The following PPP3CA variants were observed in gnomAD, a reference collection of about 807,000 sequenced individuals.
The protein encoded by PPP3CA is protein phosphatase 3 catalytic subunit alpha.
PPP3CA carries 14 observed loss-of-function variants against 66.5 expected under a neutral mutation model. That is an observed-to-expected ratio of 0.21 (90% CI 0.14 to 0.33). The LOEUF (loss-of-function observed/expected upper bound fraction) is 0.33, where lower values mean the gene tolerates loss of function less well. PPP3CA is among the 10% of genes least tolerant of loss of function. The pLI, the probability that PPP3CA is intolerant of heterozygous loss-of-function variation, is 1.00. For synonymous variants in PPP3CA, 232 were observed against 226.2 expected (o/e 1.03, Z -0.23); for missense variants, 317 against 639.5 (o/e 0.50, Z 5.44).
intron 2 of PPP3CA, among the ~76,000 whole-genome samples, chr4:101,158,977 A>G (rs1723414189): frequency 6.6e-6 from 1 of 152,220 alleles, no homozygotes; most frequent in African/African-American, 2.4e-5. Flanking sequence ...ATTATTAAGA[A>G]ACTTAAACCA....
At chr4:101,262,408 C>A (rs956423869) in intron 1 of PPP3CA, among the ~76,000 whole-genome samples, 1 of 151,994 alleles carries the variant, frequency 6.6e-6, no homozygotes, top group Non-Finnish European at 1.5e-5. Context: ...TTATTGAAAT[C>A]TTTAATTTGT....
At chr4:101,040,332 C>T in intron 11 of PPP3CA, 150 bp downstream of exon 11, 1 of 542,150 alleles carries the variant, frequency 1.8e-6, no homozygotes, top group South Asian at 4.6e-5. Context: ...GACAATTTCT[C>T]ATTTAATTTT....
intron 1 of PPP3CA, among the ~76,000 whole-genome samples, chr4:101,301,289 CATG>C (rs1279870532): frequency 6.6e-6 from 1 of 151,526 alleles, no homozygotes; most frequent in Non-Finnish European, 1.5e-5. Flanking sequence ...TGTCAAATAA[CATG>C]ATACTACCTG....
At chr4:101,295,565 C>T (rs1006544559) in intron 1 of PPP3CA, among the ~76,000 whole-genome samples, 1 of 152,200 alleles carries the variant, frequency 6.6e-6, no homozygotes, top group Non-Finnish European at 1.5e-5. Flanking sequence ...TTACTGTAGA[C>T]TCCATGATTT....
intron 6 of PPP3CA, among the ~76,000 whole-genome samples, chr4:101,085,851 CACACACAGAG>C (rs760261860): frequency 6.7e-6 from 1 of 149,348 alleles, no homozygotes; most frequent in Non-Finnish European, 1.5e-5. Flanking sequence ...CACACACACA[CACACACAGAG>C]AGAGAGAGAG....
intron 1 of PPP3CA, among the ~76,000 whole-genome samples, chr4:101,318,434 A>G (rs1290484306): frequency 6.6e-6 from 1 of 152,202 alleles, no homozygotes; most frequent in Non-Finnish European, 1.5e-5. Flanking sequence ...CAGAAGTGGT[A>G]AGCAAACTAG....
At chr4:101,032,750 A>G (rs1727040110) in intron 11 of PPP3CA, among the ~76,000 whole-genome samples, 1 of 152,218 alleles carries the variant, frequency 6.6e-6, no homozygotes, top group Non-Finnish European at 1.5e-5. Flanking sequence ...AAGGCTCAGC[A>G]AAAATAAGGG....
In PPP3CA at chr4:101,346,903, G is replaced by GCCGCCGC; in HGVS notation, c.-108_-107insGCGGCGG. ...CGCCGCCGCCGCCGCCGCCGCCGCC[G>GCCGCCGC]CGCTGCAAACCGCTCGGCTGGAGGT... On this transcript the variant is annotated 5_prime_UTR_variant, in exon 1 of 14. Transcript: ENST00000394854. The GCCGCCGC allele has an allele frequency of 3.7e-6, 5 of 1,366,768 alleles. No individual in the cohort carries two copies. In the African/African-American group the frequency reaches 4.4e-5, roughly 12 times the overall value. The allele number at this position is 1,366,768 out of a possible 1,614,324, so 84.7% of individuals were successfully genotyped here. A position where few individuals can be genotyped will look rare whatever the true frequency, so the allele number is the denominator to read the frequency against.
At chr4:101,225,343 A>G (rs551614478) in intron 1 of PPP3CA, among the ~76,000 whole-genome samples, 2 of 151,928 alleles carry the variant, frequency 1.3e-5, no homozygotes, top group East Asian at 3.9e-4. Context: ...CTCAACAAAT[A>G]TTTGTTGAAT....
intron 1 of PPP3CA, among the ~76,000 whole-genome samples, chr4:101,338,658 A>C (rs1414700008): frequency 6.6e-6 from 1 of 152,178 alleles, no homozygotes; most frequent in African/African-American, 2.4e-5. Context: ...CAATTCCTTT[A>C]TTCTAAGTGA....
At chr4:101,343,280 ATTTCCTCT>A in intron 1 of PPP3CA, among the ~76,000 whole-genome samples, 1 of 152,158 alleles carries the variant, frequency 6.6e-6, no homozygotes, top group Non-Finnish European at 1.5e-5. Context: ...ATAGGGTTTA[ATTTCCTCT>A]AAGTATTTTT....
chr4:101,280,573 A>G (rs1000347759), intron 1 of PPP3CA, among the ~76,000 whole-genome samples: 3 of 152,130 alleles, frequency 2.0e-5, no homozygotes, highest in African/African-American at 7.2e-5. Context: ...TAATCCCAGC[A>G]CTGTAGGAGG....
intron 1 of PPP3CA, among the ~76,000 whole-genome samples, chr4:101,201,740 T>G (rs1724972890): frequency 6.6e-6 from 1 of 152,248 alleles, no homozygotes; most frequent in African/African-American, 2.4e-5. Context: ...GAGAACAGCT[T>G]AAGCATATCA....
chr4:101,082,551 T>C (rs1003988860), intron 7 of PPP3CA, among the ~76,000 whole-genome samples: 3 of 152,204 alleles, frequency 2.0e-5, no homozygotes, highest in Non-Finnish European at 4.4e-5. Flanking sequence ...AGATTTAATA[T>C]ACTATTAAAG....
chr4:101,049,540 G>T (rs1727920080), intron 10 of PPP3CA, among the ~76,000 whole-genome samples: 1 of 151,978 alleles, frequency 6.6e-6, no homozygotes, highest in Non-Finnish European at 1.5e-5. Flanking sequence ...CAGTCATAAT[G>T]CCTGGATGTC....
chr4:101,124,266 T>G (rs547429172), intron 2 of PPP3CA, among the ~76,000 whole-genome samples: 7 of 151,506 alleles, frequency 4.6e-5, no homozygotes, highest in African/African-American at 1.5e-4. Context: ...ATGACCAAAT[T>G]AGAAAAAAAA....
intron 2 of PPP3CA, among the ~76,000 whole-genome samples, chr4:101,151,205 A>C (rs2695206): frequency 3.3e-5 from 5 of 152,060 alleles, no homozygotes; most frequent in East Asian, 1.9e-4. Flanking sequence ...TGAATAATCA[A>C]TGTTCTGGCC....
At chr4:101,328,409 A>C (rs994602464) in intron 1 of PPP3CA, among the ~76,000 whole-genome samples, 12 of 152,222 alleles carry the variant, frequency 7.9e-5, no homozygotes, top group African/African-American at 2.9e-4. Context: ...AGTAAATGAA[A>C]AATTCTGATC....
In PPP3CA at chr4:101,083,491, G is replaced by A. The variant is rs903447981; in HGVS notation, c.783-228C>T. Among the ~76,000 whole-genome samples, 5 of 151,308 alleles carry A rather than the reference G, an allele frequency of 3.3e-5. No homozygotes were observed. The South Asian group carries it at 1.0e-3, about 31-fold the overall frequency. ...AAGGGGTTGAGGTGCATGAACTGGG[G>A]GAAAAAACATAAGCCATTATAAAAC... On this transcript the variant is annotated intron_variant, in intron 6 of 13. Transcript: ENST00000394854.
Sources: allele counts gnomAD v4.1 joint callset (sites outside exome capture counted in the v4.1 genomes callset), GRCh38; gene constraint gnomAD v4.1.1; transcripts MANE v1.5; gene names NCBI Gene and HGNC (gene_info 2026-07-23, HGNC 2026-07-21).